The following FYN variants were observed in gnomAD, a reference collection of about 807,000 sequenced individuals.
FYN encodes the protein FYN proto-oncogene, Src family tyrosine kinase.
In FYN, 10 loss-of-function variants were observed where a neutral mutation model predicts 70.2. The ratio of observed to expected loss-of-function variants is 0.14; its 90% confidence interval spans 0.09 to 0.24. The LOEUF (loss-of-function observed/expected upper bound fraction) is 0.24, where lower values mean the gene tolerates loss of function less well. FYN is among the 10% of genes least tolerant of loss of function. The probability of loss-of-function intolerance (pLI) is 1.00; values close to 1 mark genes in which losing one functional copy is unlikely to be tolerated. For missense variants in FYN, 319 were observed against 673.1 expected (o/e 0.47, Z 5.82); for synonymous variants, 236 against 248.6 (o/e 0.95, Z 0.48).
At chr6:111,841,849 A>C (rs1431926470) in intron 2 of FYN, among the ~76,000 whole-genome samples, 1 of 151,308 alleles carries the variant, frequency 6.6e-6, no homozygotes, top group African/African-American at 2.4e-5. Context: ...AGCACCGCTT[A>C]GTTTTACAAT....
chr6:111,662,126 C>T (rs1207522068), intron 13 of FYN, among the ~76,000 whole-genome samples, 179 bp from the exon 14 acceptor site: 1 of 152,176 alleles, frequency 6.6e-6, no homozygotes, highest in Non-Finnish European at 1.5e-5. Context: ...GAGTGCAGAA[C>T]TGAGACATGA....
chr6:111,677,839 TCA>T (rs1798600466), intron 12 of FYN, among the ~76,000 whole-genome samples: 1 of 152,194 alleles, frequency 6.6e-6, no homozygotes, highest in Non-Finnish European at 1.5e-5. Flanking sequence ...ACTAGCTGAT[TCA>T]CACTTTGAAA....
intron 1 of FYN, among the ~76,000 whole-genome samples, chr6:111,863,896 C>G (rs1774032516): frequency 6.6e-6 from 1 of 152,184 alleles, no homozygotes; most frequent in Non-Finnish European, 1.5e-5. Context: ...TCCCACTACT[C>G]TAGTTGGGAC....
Position 111,674,642 on chromosome 6 carries a change from A to T in FYN, c.1274-12T>A. 1.2e-6 allele frequency: 2 copies of T among 1,611,568 alleles called. No individual in the cohort carries two copies. The highest frequency in any genetic ancestry group is 1.7e-6 in the Non-Finnish European group (2 of 1,178,488). On this transcript the variant is annotated splice_polypyrimidine_tract_variant and intron_variant, in intron 12 of 13. Coordinates refer to ENST00000354650, the MANE Select transcript of FYN (RefSeq NM_002037.5). ...GGGGAACTTTGCACCTGCAGAATGA[A>T]CACTTGGTTATTCATCAGGCAGAGG...
intron 3 of FYN, among the ~76,000 whole-genome samples, chr6:111,746,178 T>G (rs1802205200): frequency 6.6e-6 from 1 of 152,238 alleles, no homozygotes; most frequent in Admixed American, 6.5e-5. Flanking sequence ...TTTTAAAGTT[T>G]AGGCATAATT....
intron 13 of FYN, among the ~76,000 whole-genome samples, chr6:111,663,792 CTAAT>C (rs1345240912): frequency 2.6e-4 from 39 of 152,004 alleles, no homozygotes; most frequent in Non-Finnish European, 8.8e-5. Flanking sequence ...AGCGCTGTGG[CTAAT>C]TAGCCTACAT....
At chr6:111,697,138 C>T (rs1799609176) in intron 9 of FYN, among the ~76,000 whole-genome samples, 1 of 152,046 alleles carries the variant, frequency 6.6e-6, no homozygotes, top group Non-Finnish European at 1.5e-5. Flanking sequence ...TAAACAGCAG[C>T]TGAGAGGGAA....
Position 111,662,000 on chromosome 6 carries a change from CGCCGCACTTGCA to C in FYN, c.1406-65_1406-54del. ...GCACCCCGGGGATCCAGGCCCTGACCGCCGCACTTGCAGATCCCCTTTCTTCTTCTTTGCGTC... is the reference window on the plus strand; with the variant it reads ...GCACCCCGGGGATCCAGGCCCTGACCGATCCCCTTTCTTCTTCTTTGCGTC... On this transcript the variant is annotated intron_variant, in intron 13 of 13. Coordinates refer to ENST00000354650, the MANE Select transcript of FYN (RefSeq NM_002037.5). The surrounding 1 kb of genome is among the most constrained non-coding windows in gnomAD (Gnocchi z 4.0). 1 of 1,436,828 alleles carries C rather than the reference CGCCGCACTTGCA, an allele frequency of 7.0e-7. No homozygotes were observed. Among genetic ancestry groups the C allele is most frequent in the Non-Finnish European group, 9.5e-7 (1 of 1,054,094 alleles). The allele number at this position is 1,436,828 out of a possible 1,614,324, so 89.0% of individuals were successfully genotyped here. A position where few individuals can be genotyped will look rare whatever the true frequency, so the allele number is the denominator to read the frequency against.
chr6:111,719,120 T>C (rs1253008101), intron 4 of FYN, among the ~76,000 whole-genome samples: 1 of 152,192 alleles, frequency 6.6e-6, no homozygotes, highest in East Asian at 1.9e-4. Flanking sequence ...TAATGTGAAA[T>C]ATCTAGTTAC....
intron 1 of FYN, among the ~76,000 whole-genome samples, chr6:111,856,312 A>G (rs1435245446): frequency 6.6e-6 from 1 of 152,244 alleles, no homozygotes; most frequent in African/African-American, 2.4e-5. Flanking sequence ...TGATGTACAC[A>G]TAGAAGCCAA....
chr6:111,756,049 G>A lies in FYN; in HGVS notation c.-12+24517C>T, dbSNP rs9372310. Among the ~76,000 whole-genome samples, 537 of 152,070 alleles carry A rather than the reference G, an allele frequency of 3.5e-3. 11 individuals carry two copies. The East Asian group carries it at 0.075, about 21-fold the overall frequency. ...AATCAGAAAACAAAGATACACTAGAGAAGATGAACAAAGGAAAAGCTATTT... is the reference window on the plus strand; with the variant it reads ...AATCAGAAAACAAAGATACACTAGAAAAGATGAACAAAGGAAAAGCTATTT... On this transcript the variant is annotated intron_variant, in intron 3 of 13. Coordinates refer to ENST00000354650, the MANE Select transcript of FYN (RefSeq NM_002037.5).
intron 2 of FYN, among the ~76,000 whole-genome samples, chr6:111,813,207 C>T (rs762210140): frequency 2.0e-5 from 3 of 152,058 alleles, no homozygotes; most frequent in Non-Finnish European, 2.9e-5. Context: ...GCTAGATTTG[C>T]GATTATCTGT....
intron 2 of FYN, among the ~76,000 whole-genome samples, chr6:111,829,258 T>A (rs1451260646): frequency 6.6e-6 from 1 of 152,234 alleles, no homozygotes; most frequent in Non-Finnish European, 1.5e-5. Flanking sequence ...CTCAACTGTG[T>A]CACTCATCAG....
chr6:111,776,862 G>A (rs1405530), intron 3 of FYN, among the ~76,000 whole-genome samples: 61,263 of 151,940 alleles, frequency 0.4, 12,715 homozygotes, highest in East Asian at 0.7. Context: ...AGCTCTCAGC[G>A]ACTCACATGT....
chr6:111,676,268 G>C (rs547243124), intron 12 of FYN, among the ~76,000 whole-genome samples: 24 of 152,224 alleles, frequency 1.6e-4, no homozygotes, highest in African/African-American at 5.8e-4. Context: ...TGTGTGAAAT[G>C]AAATGAAAGA....
intron 3 of FYN, among the ~76,000 whole-genome samples, chr6:111,733,682 G>A (rs1234926355): frequency 6.6e-6 from 1 of 152,226 alleles, no homozygotes; most frequent in Non-Finnish European, 1.5e-5. Flanking sequence ...AAGTTCTGGA[G>A]CCCAGTTTCC....
At chr6:111,790,156 A>C (rs545076176) in intron 2 of FYN, among the ~76,000 whole-genome samples, 1 of 152,044 alleles carries the variant, frequency 6.6e-6, no homozygotes, top group Admixed American at 6.5e-5. Flanking sequence ...TCCAGCTAGC[A>C]CACCACATAC....
At chr6:111,807,711 G>A (rs1424326697) in intron 2 of FYN, among the ~76,000 whole-genome samples, 2 of 152,186 alleles carry the variant, frequency 1.3e-5, no homozygotes, top group African/African-American at 2.4e-5. Context: ...AAATGAATAG[G>A]TTGGGAGGTG....
chr6:111,661,974 G>C lies in FYN; in HGVS notation c.1406-27C>G, dbSNP rs1679370119. The C allele has an allele frequency of 6.4e-7, 1 of 1,562,502 alleles. No individual in the cohort carries two copies. Among genetic ancestry groups the C allele is most frequent in the African/African-American group, 1.4e-5 (1 of 73,678 alleles). Reference sequence around the variant, plus strand: ...TGCAAAGACAAGCGCAGTGAGAGTGGGCACCCCGGGGATCCAGGCCCTGAC... The same window carrying C: ...TGCAAAGACAAGCGCAGTGAGAGTGCGCACCCCGGGGATCCAGGCCCTGAC... On this transcript the variant is annotated intron_variant, in intron 13 of 13. Transcript: ENST00000354650. The surrounding 1 kb of genome is among the most constrained non-coding windows in gnomAD (Gnocchi z 4.0).
Sources: allele counts gnomAD v4.1 joint callset (sites outside exome capture counted in the v4.1 genomes callset), GRCh38; gene constraint gnomAD v4.1.1; non-coding constraint Gnocchi (gnomAD v3.1); transcripts MANE v1.5; gene names NCBI Gene and HGNC (gene_info 2026-07-23, HGNC 2026-07-21).